Variants in CCSER1 observed in about 807,000 individuals in gnomAD.
CCSER1 encodes coiled-coil serine rich protein 1, also known as serine-rich coiled-coil domain-containing protein 1.
In CCSER1, 41 loss-of-function variants were observed where a neutral mutation model predicts 82.0. The observed-to-expected ratio is 0.50, with a 90% CI of 0.39 to 0.65. The LOEUF (loss-of-function observed/expected upper bound fraction) is 0.65, where lower values mean the gene tolerates loss of function less well. Ranked by LOEUF, CCSER1 falls within the 30% of genes least tolerant of loss-of-function variation. The pLI is 0.00. For missense variants in CCSER1, 1,119 were observed against 1,064.2 expected (o/e 1.05, Z -0.72); for synonymous variants, 414 against 383.9 (o/e 1.08, Z -0.92).
rs369371336 is a variant in CCSER1 at position 90,767,952 on chromosome 4, C to G, written c.2010+43961C>G. Among the ~76,000 whole-genome samples the G allele has an allele frequency of 2.6e-5, 4 of 152,164 alleles. No individual in the cohort carries two copies. In the East Asian group the frequency reaches 5.8e-4, roughly 22 times the overall value. ...ATAGGCATGGGCCACCATGCCTGAC[C>G]AAACAAGGAAGTTCTAATAGGTGTC... is the stretch of plus-strand genomic sequence containing the variant. On this transcript the variant is annotated intron_variant, in intron 7 of 10. Coordinates refer to ENST00000509176, the MANE Select transcript of CCSER1 (RefSeq NM_001145065.2).
chr4:91,198,250 C>T (rs1323928125), intron 10 of CCSER1, among the ~76,000 whole-genome samples: 2 of 151,944 alleles, frequency 1.3e-5, no homozygotes, highest in Non-Finnish European at 2.9e-5. Flanking sequence ...AGATGACACA[C>T]CAGAAATATA....
intron 10 of CCSER1, among the ~76,000 whole-genome samples, chr4:91,446,392 G>A (rs1346778154): frequency 6.6e-6 from 1 of 151,946 alleles, no homozygotes; most frequent in African/African-American, 2.4e-5. Flanking sequence ...CCATTTACAT[G>A]TCAGAAGATT....
rs912587566 is a variant in CCSER1 at position 90,442,283 on chromosome 4, T to C, written c.1604-25951T>C. Among the ~76,000 whole-genome samples, 15 of 152,284 alleles carry C rather than the reference T, an allele frequency of 9.9e-5. No individual in the cohort carries two copies. In the South Asian group the frequency reaches 3.1e-3, roughly 32 times the overall value. On this transcript the variant is annotated intron_variant, in intron 4 of 10. Transcript: ENST00000509176. Reference sequence around the variant, plus strand: ...AGTCAGAGAAACCCCTGAGGAGGCCTGATGTGGCCTCAGGAGAACTCCCTG... The same window carrying C: ...AGTCAGAGAAACCCCTGAGGAGGCCCGATGTGGCCTCAGGAGAACTCCCTG...
intron 9 of CCSER1, among the ~76,000 whole-genome samples, chr4:91,001,188 T>G (rs1207943696): frequency 6.6e-6 from 1 of 152,180 alleles, no homozygotes; most frequent in Non-Finnish European, 1.5e-5. Context: ...TGTTTTTAAT[T>G]TTGTTTATGT....
intron 3 of CCSER1, among the ~76,000 whole-genome samples, chr4:90,371,733 T>G (rs1189410406): frequency 3.9e-5 from 6 of 152,112 alleles, no homozygotes; most frequent in Non-Finnish European, 7.4e-5. Flanking sequence ...CTAAAAACAG[T>G]GTTAGGATCA....
intron 10 of CCSER1, among the ~76,000 whole-genome samples, chr4:91,408,947 C>G (rs1028117079): frequency 1.3e-5 from 2 of 152,122 alleles, no homozygotes; most frequent in African/African-American, 4.8e-5. Context: ...TCAGGTCAGA[C>G]CTGGGTGTTC....
intron 1 of CCSER1, among the ~76,000 whole-genome samples, chr4:90,157,396 A>G (rs1403264772): frequency 6.6e-6 from 1 of 151,680 alleles, no homozygotes; most frequent in Non-Finnish European, 1.5e-5. Flanking sequence ...CATTCTCTGT[A>G]TTTTCTGATT....
chr4:90,327,314 A>T (rs997525564), intron 3 of CCSER1, among the ~76,000 whole-genome samples: 1 of 151,956 alleles, frequency 6.6e-6, no homozygotes, highest in African/African-American at 2.4e-5. Flanking sequence ...TTGTTTTCTC[A>T]TTTCTTCTAA....
chr4:91,336,789 A>G (rs1747356623), intron 10 of CCSER1, among the ~76,000 whole-genome samples: 2 of 152,118 alleles, frequency 1.3e-5, no homozygotes. Flanking sequence ...ATCTGCCTAT[A>G]AAATTATAGA....
intron 8 of CCSER1, among the ~76,000 whole-genome samples, chr4:90,887,041 A>G (rs1043312085): frequency 2.6e-5 from 4 of 152,228 alleles, no homozygotes; most frequent in African/African-American, 9.6e-5. Flanking sequence ...ACACACAGAT[A>G]TAAACCTTCC....
rs72665425 is a variant in CCSER1, at chr4:90,920,552, A to C, written c.2095-2818A>C. On this transcript the variant is annotated intron_variant, in intron 8 of 10. Coordinates refer to ENST00000509176, the MANE Select transcript of CCSER1 (RefSeq NM_001145065.2). ...TTCCATATCACTCAGTTCCACTTCA[A>C]ATTGGCTAATAGTAATTCATTTTTC... Among the ~76,000 whole-genome samples, 754 of 152,048 alleles carry C rather than the reference A, an allele frequency of 5.0e-3. 1 individual carries two copies. The highest frequency in any genetic ancestry group is 0.014 in the Middle Eastern group (4 of 294).
At chr4:90,980,741 G>T (rs574509958) in intron 9 of CCSER1, among the ~76,000 whole-genome samples, 6 of 151,682 alleles carry the variant, frequency 4.0e-5, no homozygotes, top group Admixed American at 1.3e-4. Flanking sequence ...ATGGAAAGAC[G>T]TACTCGAAGG....
At chr4:90,839,236 G>A (rs1431320249) in intron 8 of CCSER1, among the ~76,000 whole-genome samples, 1 of 152,070 alleles carries the variant, frequency 6.6e-6, no homozygotes, top group East Asian at 1.9e-4. Context: ...CAAATACAAA[G>A]GTAAGCAATT....
At chr4:90,524,732 G>A (rs1773543832) in intron 5 of CCSER1, among the ~76,000 whole-genome samples, 1 of 152,106 alleles carries the variant, frequency 6.6e-6, no homozygotes, top group Non-Finnish European at 1.5e-5. Flanking sequence ...CTCCCAAAGT[G>A]CTGGGATTAC....
At chr4:90,648,531 A>G (rs1728145560) in intron 6 of CCSER1, among the ~76,000 whole-genome samples, 1 of 57,400 alleles carries the variant, frequency 1.7e-5, no homozygotes, top group South Asian at 4.2e-4. Flanking sequence ...ATGTGACTGT[A>G]TTTGGAGATA....
intron 3 of CCSER1, among the ~76,000 whole-genome samples, chr4:90,391,841 T>A (rs1435606781): frequency 6.6e-6 from 1 of 152,010 alleles, no homozygotes; most frequent in Non-Finnish European, 1.5e-5. Flanking sequence ...TGTGAAAGTT[T>A]TAAATATTTT....
chr4:91,224,902 G>GA (rs1457158947), intron 10 of CCSER1, among the ~76,000 whole-genome samples: 1 of 151,152 alleles, frequency 6.6e-6, no homozygotes, highest in East Asian at 1.9e-4. Flanking sequence ...GATTAAGAAT[G>GA]AAAAAATGTG....
intron 5 of CCSER1, among the ~76,000 whole-genome samples, chr4:90,480,135 G>A (rs1460972743): frequency 1.3e-5 from 2 of 152,170 alleles, no homozygotes; most frequent in African/African-American, 4.8e-5. Context: ...CAGTGATGAT[G>A]AGCATTTTTT....
At chr4:90,288,462 CTTAT>C (rs1195929895) in intron 1 of CCSER1, among the ~76,000 whole-genome samples, 1 of 151,838 alleles carries the variant, frequency 6.6e-6, no homozygotes, top group Non-Finnish European at 1.5e-5. Flanking sequence ...ATCTAATATG[CTTAT>C]TTGTTTTGTT....
Sources: gnomAD v4.1 joint callset for allele counts (sites outside exome capture counted in the v4.1 genomes callset) on GRCh38, gnomAD v4.1.1 for gene constraint, MANE v1.5 for transcripts, NCBI Gene and HGNC (gene_info 2026-07-23, HGNC 2026-07-21) for gene names.